Variants in CREB3L2 observed in about 807,000 individuals in gnomAD.
The protein encoded by CREB3L2 is cyclic AMP-responsive element-binding protein 3-like protein 2.
A neutral mutation model predicts 57.2 loss-of-function variants in CREB3L2; 23 were observed. That is an observed-to-expected ratio of 0.40 (90% CI 0.29 to 0.57). The LOEUF (loss-of-function observed/expected upper bound fraction) is 0.57. CREB3L2 is among the 20% of genes least tolerant of loss of function. The pLI is 0.42. For synonymous variants in CREB3L2, 268 were observed against 265.1 expected (o/e 1.01, Z -0.11); for missense variants, 628 against 634.7 (o/e 0.99, Z 0.11).
rs1260469238 is a variant in CREB3L2, at chr7:137,885,384, A to G, written c.1143+19T>C. The G allele has an allele frequency of 6.2e-7, 1 of 1,602,468 alleles. No individual in the cohort carries two copies. The highest frequency in any genetic ancestry group is 1.3e-5 in the African/African-American group (1 of 74,640). ...CCAGGCCAGGGGCGGTCACTGTGCT[A>G]CCCTGCTGGGAAGCTCACCATGAGG... On this transcript the variant is annotated intron_variant, in intron 9 of 11. Transcript: ENST00000330387.
intron 1 of CREB3L2, among the ~76,000 whole-genome samples, chr7:137,959,669 G>A (rs936366228): frequency 7.9e-5 from 12 of 152,222 alleles, no homozygotes; most frequent in African/African-American, 2.7e-4. Context: ...ATTCAACTCT[G>A]TGAAGACAGG....
At chr7:137,997,995 T>C (rs1335369005) in intron 1 of CREB3L2, among the ~76,000 whole-genome samples, 2 of 152,184 alleles carry the variant, frequency 1.3e-5, no homozygotes, top group Non-Finnish European at 2.9e-5. Context: ...CTAAAATCAG[T>C]ACTCACTGAA....
chr7:137,902,194 C>CAAAAAAAAAAA (rs58506555), intron 7 of CREB3L2, among the ~76,000 whole-genome samples: 14 of 84,928 alleles, frequency 1.6e-4, no homozygotes, highest in African/African-American at 4.7e-4. Context: ...ACTCTGTCTC[C>CAAAAAAAAAAA]AAAAAAAAAA....
At chr7:137,927,160 AAAAG>A (rs1029246522) in intron 2 of CREB3L2, among the ~76,000 whole-genome samples, 2 of 151,830 alleles carry the variant, frequency 1.3e-5, no homozygotes, top group Non-Finnish European at 2.9e-5. Context: ...CCCTGTCTAA[AAAAG>A]AAAGAAGGAA....
At chr7:137,889,173 A>C (rs1001341629) in intron 8 of CREB3L2, among the ~76,000 whole-genome samples, 7 of 152,190 alleles carry the variant, frequency 4.6e-5, no homozygotes, top group African/African-American at 1.7e-4. Flanking sequence ...CCCTTCCCCT[A>C]GGATGAACAG....
chr7:137,922,266 A>AT (rs1800298477), intron 2 of CREB3L2, among the ~76,000 whole-genome samples: 1 of 149,602 alleles, frequency 6.7e-6, no homozygotes, highest in Non-Finnish European at 1.5e-5. Context: ...CAGACCACAG[A>AT]TTTTTTCTGT....
chr7:137,982,511 T>G (rs1801728276), intron 1 of CREB3L2, among the ~76,000 whole-genome samples: 1 of 151,960 alleles, frequency 6.6e-6, no homozygotes, highest in Non-Finnish European at 1.5e-5. Flanking sequence ...ATCATGGGGG[T>G]GGGTCTTTCC....
intron 1 of CREB3L2, among the ~76,000 whole-genome samples, chr7:137,993,008 A>T (rs1801927591): frequency 1.3e-5 from 2 of 152,240 alleles, no homozygotes; most frequent in African/African-American, 4.8e-5. Context: ...AAGAGGGAGC[A>T]TCTGGCAAAC....
chr7:137,918,734 GC>G (rs1420919689), intron 2 of CREB3L2, among the ~76,000 whole-genome samples: 1 of 151,596 alleles, frequency 6.6e-6, no homozygotes, highest in African/African-American at 2.4e-5. Flanking sequence ...AAAAGAAGAG[GC>G]AAAAGTTAAA....
intron 8 of CREB3L2, among the ~76,000 whole-genome samples, chr7:137,897,939 CACA>C (rs1026654228): frequency 3.3e-5 from 5 of 151,952 alleles, no homozygotes; most frequent in African/African-American, 4.8e-5. Flanking sequence ...AAAGCTTCTG[CACA>C]ACAACAACAA....
At chr7:137,969,132 A>G (rs1216799683) in intron 1 of CREB3L2, among the ~76,000 whole-genome samples, 2 of 152,172 alleles carry the variant, frequency 1.3e-5, no homozygotes, top group African/African-American at 4.8e-5. Context: ...AGTTAAGCCA[A>G]AGAAAACTGT....
chr7:137,906,720 G>A (rs374213091), intron 5 of CREB3L2, among the ~76,000 whole-genome samples: 2 of 152,178 alleles, frequency 1.3e-5, no homozygotes, highest in Non-Finnish European at 2.9e-5. Flanking sequence ...TGAATTATGG[G>A]GTGAGTCTTT....
At chr7:137,900,082 A>G (rs1317294261) in intron 8 of CREB3L2, among the ~76,000 whole-genome samples, 1 of 152,198 alleles carries the variant, frequency 6.6e-6, no homozygotes, top group Non-Finnish European at 1.5e-5. Flanking sequence ...ACAGGTATGT[A>G]TCATGTGTGC....
At chr7:137,928,071 T>C in intron 2 of CREB3L2, 79 bp downstream of exon 2, 1 of 1,103,332 alleles carries the variant, frequency 9.1e-7, no homozygotes, top group Non-Finnish European at 1.3e-6. Context: ...CCCTCTTTAA[T>C]ATAATACACA....
chr7:137,914,438 C>T lies in CREB3L2; in HGVS notation c.496-1360G>A, dbSNP rs945059441. ...CTTGAGGTCAGGAGTTCGAGACCAG[C>T]GTGGCCAACATGGTAAAACCCCATC... On this transcript the variant is annotated intron_variant, in intron 3 of 11. Coordinates refer to ENST00000330387, the MANE Select transcript of CREB3L2 (RefSeq NM_194071.4). Among the ~76,000 whole-genome samples, 12 of 152,144 alleles carry T rather than the reference C, an allele frequency of 7.9e-5. No homozygotes were observed. The East Asian group carries it at 2.1e-3, about 27-fold the overall frequency.
intron 2 of CREB3L2, among the ~76,000 whole-genome samples, chr7:137,916,433 C>G (rs994118397): frequency 1.3e-5 from 2 of 152,138 alleles, no homozygotes; most frequent in African/African-American, 4.8e-5. Context: ...AAGAAAGAAG[C>G]AGCCGGGCAC....
At position 137,877,181 on chromosome 7, in the gene CREB3L2, G is replaced by GA. The variant is rs893717371; in HGVS notation, c.*3294dup. ...CAAGCTGAACCAAGAGATTTAGGAA[G>GA]AAAAAAAAAAACATGGTAATTATAA... On this transcript the variant is annotated 3_prime_UTR_variant, in exon 12 of 12. Coordinates refer to ENST00000330387, the MANE Select transcript of CREB3L2 (RefSeq NM_194071.4). 5,403 of 189,784 alleles carry GA rather than the reference G, an allele frequency of 0.028. No individual in the cohort carries two copies. The highest frequency in any genetic ancestry group is 0.054 in the East Asian group (587 of 10,862). 11.8% of individuals were successfully genotyped at this position (189,784 alleles called of 1,614,324 possible). A position where few individuals can be genotyped will look rare whatever the true frequency, so the allele number is the denominator to read the frequency against.
Position 137,901,378 on chromosome 7 carries a change from A to G in CREB3L2, c.1019T>C (p.Val340Ala). 1 of 1,606,652 alleles carries G rather than the reference A, an allele frequency of 6.2e-7. No homozygotes were observed. The highest frequency in any genetic ancestry group is 8.5e-7 in the Non-Finnish European group (1 of 1,173,488). Reference protein sequence around the residue: ...STENLELRKKVEVLENTNRTL... With the variant: ...STENLELRKKAEVLENTNRTL... The stretch of plus-strand genomic sequence containing the variant: ...CCTATTAGTGTTCTCTAGAACCTCT[A>G]CCTTCTTCCGAAGCTCCAAGTTCTC... Residue 340 changes from valine to alanine, a missense_variant, in exon 8 of 12, where the codon GTA becomes GCA. Transcript: ENST00000330387.
intron 1 of CREB3L2, among the ~76,000 whole-genome samples, chr7:137,937,226 G>A (rs1442720779): frequency 6.6e-6 from 1 of 152,216 alleles, no homozygotes; most frequent in Non-Finnish European, 1.5e-5. Flanking sequence ...CCAAAGACTG[G>A]AGCCATAGAA....
Sources: allele counts gnomAD v4.1 joint callset (sites outside exome capture counted in the v4.1 genomes callset), GRCh38; gene constraint gnomAD v4.1.1; transcripts MANE v1.5; gene names NCBI Gene and HGNC (gene_info 2026-07-23, HGNC 2026-07-21).